Variants in MAP3K9 observed in about 807,000 individuals in gnomAD.
MAP3K9 encodes the protein mitogen-activated protein kinase kinase kinase 9, also known as mixed lineage kinase 1 (tyr and ser/thr specificity).
In MAP3K9, 46 loss-of-function variants were observed where a neutral mutation model predicts 95.8. That is an observed-to-expected ratio of 0.48 (90% CI 0.38 to 0.61). The LOEUF is 0.61. MAP3K9 is among the 20% of genes least tolerant of loss of function. The probability of loss-of-function intolerance (pLI) is 0.00; values close to 1 mark genes in which losing one functional copy is unlikely to be tolerated. For synonymous variants in MAP3K9, 533 were observed against 593.8 expected (o/e 0.90, Z 1.49); for missense variants, 1,296 against 1,474.3 (o/e 0.88, Z 1.98).
At chr14:70,751,400 C>A (rs1173702513) in intron 3 of MAP3K9, among the ~76,000 whole-genome samples, 1 of 152,170 alleles carries the variant, frequency 6.6e-6, no homozygotes, top group African/African-American at 2.4e-5. Context: ...CAACAAAGGT[C>A]ATATTAATTT....
chr14:70,732,758 G>A lies in MAP3K9; in HGVS notation c.2611C>T (p.Pro871Ser), dbSNP rs955976237. 1 of 1,612,002 alleles carries A rather than the reference G, an allele frequency of 6.2e-7. No homozygotes were observed. The highest frequency in any genetic ancestry group is 1.7e-5 in the Admixed American group (1 of 59,910). ...EMPVSPVEAP[P>S]LSPCTHNPLV... ...GGGTTGTGGGTACATGGACTCAGGG[G>A]AGGGGCCTCGACTGGGCTGACTGGC... is the stretch of plus-strand genomic sequence containing the variant. Residue 871 changes from proline (P) to serine (S), a missense_variant, in exon 11 of 12, where the codon CCC (proline) becomes TCC (serine). Coordinates refer to ENST00000554752, the MANE Select transcript of MAP3K9 (RefSeq NM_001284230.2).
intron 2 of MAP3K9, among the ~76,000 whole-genome samples, chr14:70,785,866 G>A (rs528513464): frequency 2.6e-5 from 4 of 152,224 alleles, no homozygotes; most frequent in African/African-American, 7.2e-5. Context: ...CTTATGAATC[G>A]TTATTTCTAG....
In MAP3K9 at chr14:70,730,216, C is replaced by T. The variant is rs1456506474; in HGVS notation, c.*164G>A. ...AGAAAGGCCCTGCAGGGCAGGAGAC[C>T]CTCTGAAGTGGCCCTGTTTCCATCC... On this transcript the variant is annotated 3_prime_UTR_variant, in exon 12 of 12. Transcript: ENST00000554752. The T allele has an allele frequency of 2.9e-6, 3 of 1,029,578 alleles. No individual in the cohort carries two copies. In the East Asian group the frequency reaches 7.8e-5, roughly 27 times the overall value. 63.8% of individuals were successfully genotyped at this position (1,029,578 alleles called of 1,614,324 possible).
At chr14:70,764,184 C>T (rs1249220868) in intron 2 of MAP3K9, among the ~76,000 whole-genome samples, 1 of 3,356 alleles carries the variant, frequency 3.0e-4, no homozygotes, top group African/African-American at 1.2e-3. Flanking sequence ...CAGAGCGAGA[C>T]TCCGTCTCAA....
At chr14:70,787,544 C>T (rs17108537) in intron 2 of MAP3K9, among the ~76,000 whole-genome samples, 1 of 150,698 alleles carries the variant, frequency 6.6e-6, no homozygotes. Context: ...TTGCCAGCAT[C>T]CTGATGCCCA....
intron 5 of MAP3K9, among the ~76,000 whole-genome samples, chr14:70,745,288 G>A (rs1169614970): frequency 1.3e-5 from 2 of 152,306 alleles, no homozygotes; most frequent in East Asian, 3.9e-4. Context: ...CCTGGAGCTA[G>A]AAAACAAGCA....
Position 70,801,105 on chromosome 14 carries a change from G to A in MAP3K9, c.407-25C>T, listed in dbSNP as rs2054925235. ...ACTGAGAAAGGGAAGAAAAAAAGAA[G>A]CAAGTCAAAAACATCTTGAAAACAT... On this transcript the variant is annotated intron_variant, in intron 1 of 11. Coordinates refer to ENST00000554752, the MANE Select transcript of MAP3K9 (RefSeq NM_001284230.2). The A allele has an allele frequency of 6.9e-6, 11 of 1,586,722 alleles. No individual in the cohort carries two copies. The East Asian group carries it at 2.5e-4, about 36-fold the overall frequency.
In MAP3K9 at chr14:70,733,007, G is replaced by C. The variant is rs768511767; in HGVS notation, c.2362C>G (p.Arg788Gly). 6 of 1,613,980 alleles carry C rather than the reference G, an allele frequency of 3.7e-6. No homozygotes were observed. Among genetic ancestry groups the C allele is most frequent in the Non-Finnish European group, 3.4e-6 (4 of 1,180,008 alleles). ...CCCTCCCGTCTTTTCTTCTCCTCCC[G>C]GGCTGGTGGCTCAGGCTCCTCCAGG... is the stretch of plus-strand genomic sequence containing the variant. Reference protein sequence around the residue: ...LPLEEPEPPAREEKKRREGLF... With the variant: ...LPLEEPEPPAGEEKKRREGLF... The change falls in exon 11 of 12, where the codon CGG becomes GGG. Residue 788 changes from arginine to glycine, a missense_variant. By Grantham distance (125) the Arg-to-Gly change is moderately radical. Coordinates refer to ENST00000554752, the MANE Select transcript of MAP3K9 (RefSeq NM_001284230.2).
intron 2 of MAP3K9, among the ~76,000 whole-genome samples, chr14:70,798,484 T>TTG (rs2139855843): frequency 7.5e-6 from 1 of 133,430 alleles, no homozygotes; most frequent in African/African-American, 2.8e-5. Context: ...TTTTTTTTTT[T>TTG]TTTTTTTTTT....
chr14:70,803,791 C>T (rs2054960261), intron 1 of MAP3K9, among the ~76,000 whole-genome samples: 1 of 152,224 alleles, frequency 6.6e-6, no homozygotes, highest in African/African-American at 2.4e-5. Context: ...CATGGCAGAA[C>T]ATTGTAGACT....
chr14:70,739,802 C>T, intron 7 of MAP3K9: 1 of 1,300,122 alleles, frequency 7.7e-7, no homozygotes, highest in Non-Finnish European at 1.0e-6. Flanking sequence ...CCATTAGTAC[C>T]CACAAATCCC....
chr14:70,753,380 T>G lies in MAP3K9; in HGVS notation c.1002-3299A>C, dbSNP rs529219490. ...TCTTTCTGGGGCTGACTAAACTAGT[T>G]TTCCTCTGCCAACATCCCGCTTTAT... is the stretch of plus-strand genomic sequence containing the variant. On this transcript the variant is annotated intron_variant, in intron 3 of 11. Transcript: ENST00000554752. Among the ~76,000 whole-genome samples, 75 of 152,302 alleles carry G rather than the reference T, an allele frequency of 4.9e-4. No homozygotes were observed. In the South Asian group the frequency reaches 0.015, roughly 30 times the overall value.
chr14:70,796,075 C>T (rs1032924035), intron 2 of MAP3K9, among the ~76,000 whole-genome samples: 6 of 152,144 alleles, frequency 3.9e-5, no homozygotes, highest in Admixed American at 6.5e-5. Context: ...CTTTTAATGG[C>T]CACTATTAAA....
intron 5 of MAP3K9, among the ~76,000 whole-genome samples, chr14:70,742,911 T>TATATATA (rs2054094808): frequency 4.2e-5 from 6 of 143,108 alleles, no homozygotes; most frequent in African/African-American, 1.6e-4. Flanking sequence ...TTATATATAT[T>TATATATA]TATATATATA....
intron 2 of MAP3K9, among the ~76,000 whole-genome samples, chr14:70,796,277 G>A (rs75372759): frequency 0.14 from 21,513 of 152,162 alleles, 1,995 homozygotes; most frequent in East Asian, 0.29. Context: ...ATAGCCAGAG[G>A]CTTTTTACAA....
At chr14:70,751,792 C>T (rs1382828021) in intron 3 of MAP3K9, among the ~76,000 whole-genome samples, 1 of 152,158 alleles carries the variant, frequency 6.6e-6, no homozygotes, top group African/African-American at 2.4e-5. Context: ...CACTAAGACA[C>T]TTTACAAACA....
chr14:70,760,857 T>C (rs544808478), intron 3 of MAP3K9, 145 bp downstream of exon 3: 24 of 781,510 alleles, frequency 3.1e-5, no homozygotes, highest in Admixed American at 2.6e-4. Context: ...AATATGGGAA[T>C]TGGCATAGAT....
At chr14:70,796,242 A>C (rs1473674717) in intron 2 of MAP3K9, among the ~76,000 whole-genome samples, 1 of 152,212 alleles carries the variant, frequency 6.6e-6, no homozygotes, top group African/African-American at 2.4e-5. Context: ...AATTTGATGG[A>C]GAAGAGACAC....
At chr14:70,778,312 T>C (rs958674063) in intron 2 of MAP3K9, among the ~76,000 whole-genome samples, 68 of 150,538 alleles carry the variant, frequency 4.5e-4, no homozygotes, top group Non-Finnish European at 8.9e-4. Context: ...AGTCCCCCTT[T>C]GTCACCCAGG....
Sources: allele counts gnomAD v4.1 joint callset (sites outside exome capture counted in the v4.1 genomes callset), GRCh38; gene constraint gnomAD v4.1.1; transcripts MANE v1.5; gene names NCBI Gene and HGNC (gene_info 2026-07-23, HGNC 2026-07-21).